The following ARRB1 variants were observed in gnomAD, a reference collection of about 807,000 sequenced individuals.
ARRB1 encodes the protein arrestin beta 1.
A neutral mutation model predicts 56.8 loss-of-function variants in ARRB1; 21 were observed. The ratio of observed to expected loss-of-function variants is 0.37; its 90% CI spans 0.26 to 0.53. The LOEUF is 0.53. Ranked by LOEUF, ARRB1 falls within the 20% of genes least tolerant of loss-of-function variation. The pLI is 0.88. For synonymous variants in ARRB1, 210 were observed against 218.6 expected, an observed-to-expected ratio of 0.96 and a Z score of 0.35; for missense variants, 424 against 553.7, an observed-to-expected ratio of 0.77 and a Z score of 2.35.
chr11:75,312,215 A>G, intron 1 of ARRB1: 1 of 1,174,188 alleles, frequency 8.5e-7, no homozygotes, highest in Non-Finnish European at 1.1e-6. Flanking sequence ...CCTAGGAATG[A>G]TGGGAAATGC....
In ARRB1 at chr11:75,283,378, G is replaced by A. The variant is rs1232626212; in HGVS notation, c.263C>T (p.Pro88Leu). ...GGGCTTCTTGTCCTCGGGGGCCGGT[G>A]GGAACGACTGTACGTTGGCCACAAA... Reference protein sequence around the residue: ...DLFVANVQSFPPAPEDKKPLT... With the variant: ...DLFVANVQSFLPAPEDKKPLT... The change falls in exon 5 of 16, where the codon CCA (proline) becomes CTA (leucine). Residue 88 changes from proline to leucine, a missense_variant. Transcript: ENST00000420843. 2 of 1,614,032 alleles carry A rather than the reference G, an allele frequency of 1.2e-6. No individual in the cohort carries two copies. The highest frequency in any genetic ancestry group is 1.3e-5 in the African/African-American group (1 of 74,930).
chr11:75,294,189 G>A (rs1372827622), intron 1 of ARRB1, among the ~76,000 whole-genome samples: 3 of 152,174 alleles, frequency 2.0e-5, no homozygotes, highest in African/African-American at 7.2e-5. Flanking sequence ...CCGGGCAGAA[G>A]AGGGTCTGTA....
At chr11:75,296,575 G>T (rs1946755443) in intron 1 of ARRB1, among the ~76,000 whole-genome samples, 1 of 152,172 alleles carries the variant, frequency 6.6e-6, no homozygotes, top group Non-Finnish European at 1.5e-5. Context: ...GTGCCTGTCA[G>T]GGAGAGGGCT....
intron 1 of ARRB1, among the ~76,000 whole-genome samples, chr11:75,346,917 C>A (rs1947777469): frequency 6.6e-6 from 1 of 152,194 alleles, no homozygotes; most frequent in Non-Finnish European, 1.5e-5. Flanking sequence ...AACAGACTGC[C>A]CTGGCTCCCT....
intron 1 of ARRB1, among the ~76,000 whole-genome samples, chr11:75,337,056 G>A (rs1947616429): frequency 6.6e-6 from 1 of 152,226 alleles, no homozygotes; most frequent in Non-Finnish European, 1.5e-5. Flanking sequence ...AGGTATTCAG[G>A]AAATGCGTGA....
intron 1 of ARRB1, among the ~76,000 whole-genome samples, chr11:75,293,782 G>T (rs1565121966): frequency 6.6e-6 from 1 of 152,188 alleles, no homozygotes; most frequent in Non-Finnish European, 1.5e-5. Context: ...CTCACGGGAT[G>T]CAGGCAGGAT....
At position 75,332,610 on chromosome 11, in the gene ARRB1, T is replaced by C. The variant is rs191779737; in HGVS notation, c.20+18978A>G. 4.1e-3 allele frequency among the ~76,000 whole-genome samples: 622 copies of C among 152,248 alleles called. 5 individuals carry two copies. Among genetic ancestry groups the C allele is most frequent in the African/African-American group, 0.014 (592 of 41,550 alleles). On this transcript the variant is annotated intron_variant, in intron 1 of 15. Coordinates refer to ENST00000420843, the MANE Select transcript of ARRB1 (RefSeq NM_004041.5). ...ACCAGAAAATGTTTAAGTTTACCTA[T>C]AGCTGGCCAGGCGCGGTGGCTCACG...
intron 1 of ARRB1, among the ~76,000 whole-genome samples, chr11:75,339,813 G>A (rs949953910): frequency 1.3e-5 from 2 of 152,216 alleles, no homozygotes; most frequent in African/African-American, 4.8e-5. Context: ...GTGGCACAGA[G>A]AGAAAGCTTT....
At chr11:75,333,851 T>G (rs1041634034) in intron 1 of ARRB1, among the ~76,000 whole-genome samples, 5 of 152,122 alleles carry the variant, frequency 3.3e-5, no homozygotes, top group African/African-American at 1.2e-4. Context: ...GCCAACAAAC[T>G]CCGCTTCCCT....
intron 13 of ARRB1, 55 bp downstream of exon 13, chr11:75,271,646 T>A: frequency 6.5e-7 from 1 of 1,530,944 alleles, no homozygotes; most frequent in Admixed American, 2.0e-5. Flanking sequence ...GTCAAGCCAA[T>A]GGGCTCCAGG....
At chr11:75,317,585 A>G (rs1268546541) in intron 1 of ARRB1, among the ~76,000 whole-genome samples, 1 of 152,186 alleles carries the variant, frequency 6.6e-6, no homozygotes, top group African/African-American at 2.4e-5. Context: ...CACAGTGTGC[A>G]TCTCTTGCCG....
At chr11:75,336,723 C>A (rs73492823) in intron 1 of ARRB1, among the ~76,000 whole-genome samples, 30,540 of 152,024 alleles carry the variant, frequency 0.2, 4,337 homozygotes, top group African/African-American at 0.41. Context: ...ATAGTCACTG[C>A]CCTCAAGAAA....
At chr11:75,273,869 C>T (rs1221503066) in intron 11 of ARRB1, among the ~76,000 whole-genome samples, 1 of 152,178 alleles carries the variant, frequency 6.6e-6, no homozygotes, top group African/African-American at 2.4e-5. Flanking sequence ...GCCTAGTGGT[C>T]CATCTTATTC....
At chr11:75,322,078 C>T (rs1004023161) in intron 1 of ARRB1, among the ~76,000 whole-genome samples, 2 of 152,228 alleles carry the variant, frequency 1.3e-5, no homozygotes, top group Non-Finnish European at 2.9e-5. Context: ...GTGGAGGGCT[C>T]CAAGAGCCCA....
At chr11:75,299,549 C>T (rs1015242127) in intron 1 of ARRB1, among the ~76,000 whole-genome samples, 17 of 152,028 alleles carry the variant, frequency 1.1e-4, no homozygotes, top group African/African-American at 3.9e-4. Context: ...ATCCAGGATC[C>T]ATGTTTCTGT....
intron 6 of ARRB1, 89 bp downstream of exon 6, chr11:75,281,873 T>C: frequency 7.4e-7 from 1 of 1,344,612 alleles, no homozygotes; most frequent in Non-Finnish European, 1.1e-6. Flanking sequence ...AGTGGTCCTG[T>C]GTGTCCAGCA....
Position 75,277,359 on chromosome 11 carries a change from G to C in ARRB1, c.703+5C>G. 8.7e-6 allele frequency: 14 copies of C among 1,613,772 alleles called. No homozygotes were observed. The highest frequency in any genetic ancestry group is 1.2e-5 in the Non-Finnish European group (14 of 1,179,652). Reference sequence around the variant, plus strand: ...TCCCCTAAGCTGACCCTCTGTCTGGGATACCTGAGATCTTGATCTTCTTCA... The same window carrying C: ...TCCCCTAAGCTGACCCTCTGTCTGGCATACCTGAGATCTTGATCTTCTTCA... On this transcript the variant is annotated splice_donor_5th_base_variant and intron_variant, in intron 9 of 15. Transcript: ENST00000420843.
At chr11:75,293,499 C>A (rs760346312) in intron 1 of ARRB1, among the ~76,000 whole-genome samples, 7 of 152,286 alleles carry the variant, frequency 4.6e-5, no homozygotes, top group Middle Eastern at 3.4e-3. Flanking sequence ...GATGGCTCTG[C>A]CTGTCAACTT....
At chr11:75,319,049 C>G (rs1301000587) in intron 1 of ARRB1, among the ~76,000 whole-genome samples, 1 of 152,174 alleles carries the variant, frequency 6.6e-6, no homozygotes, top group Non-Finnish European at 1.5e-5. Context: ...AACTGTAGCA[C>G]ACAGAAGTCA....
Sources: gnomAD v4.1 joint callset for allele counts (sites outside exome capture counted in the v4.1 genomes callset) on GRCh38, gnomAD v4.1.1 for gene constraint, MANE v1.5 for transcripts, NCBI Gene and HGNC (gene_info 2026-07-23, HGNC 2026-07-21) for gene names.